Variants in SLC30A7 observed in about 807,000 individuals in gnomAD.
SLC30A7 encodes the protein zinc transporter 7.
Under a neutral mutation model 46.0 loss-of-function variants are expected in SLC30A7, and 35 were observed. That is an observed-to-expected ratio of 0.76 (90% confidence interval 0.58 to 1.01). The LOEUF (loss-of-function observed/expected upper bound fraction) is 1.01, where lower values mean the gene tolerates loss of function less well. Ranked by LOEUF, SLC30A7 falls within the 50% of genes least tolerant of loss-of-function variation. SLC30A7 has a pLI of 0.00. For missense variants in SLC30A7, 464 were observed against 451.1 expected, an observed-to-expected ratio of 1.03 and a Z score of -0.26; for synonymous variants, 147 against 157.8, an observed-to-expected ratio of 0.93 and a Z score of 0.51.
At chr1:100,970,925 G>A (rs183803183) in intron 10 of SLC30A7, among the ~76,000 whole-genome samples, 14 of 152,170 alleles carry the variant, frequency 9.2e-5, no homozygotes, top group Admixed American at 3.3e-4. Context: ...ACCATTATCA[G>A]TTCCACAAAA....
chr1:100,969,433 T>C (rs1380091864), intron 10 of SLC30A7, among the ~76,000 whole-genome samples: 1 of 152,186 alleles, frequency 6.6e-6, no homozygotes, highest in Non-Finnish European at 1.5e-5. Flanking sequence ...CCTAAGACTT[T>C]GGCATTTACT....
chr1:100,982,980 G>A (rs982235226), downstream of SLC30A7, among the ~76,000 whole-genome samples: 1 of 152,030 alleles, frequency 6.6e-6, no homozygotes, highest in African/African-American at 2.4e-5. Context: ...ATACTGCACC[G>A]GCCAATCTTA....
rs1398689421 is a variant in SLC30A7, at chr1:100,977,560, A to G, written c.*2703A>G. The G allele has an allele frequency of 2.0e-5, 3 of 152,200 alleles. No individual in the cohort carries two copies. The highest frequency in any genetic ancestry group is 6.5e-5 in the Admixed American group (1 of 15,274). 9.4% of individuals were successfully genotyped at this position (152,200 alleles called of 1,614,324 possible). Reference sequence around the variant, plus strand: ...ATTATTGTTATAAAATTAATTTACAATGTCCCTGATATTGAGCTAACTCTT... The same window carrying G: ...ATTATTGTTATAAAATTAATTTACAGTGTCCCTGATATTGAGCTAACTCTT... On this transcript the variant is annotated 3_prime_UTR_variant, in exon 11 of 11. Transcript: ENST00000357650.
At chr1:100,945,928 G>T (rs1654609978) in intron 8 of SLC30A7, among the ~76,000 whole-genome samples, 1 of 152,202 alleles carries the variant, frequency 6.6e-6, no homozygotes, top group Non-Finnish European at 1.5e-5. Flanking sequence ...AGCATGAAAT[G>T]TTCTTCTATT....
In SLC30A7 at chr1:100,906,862, A is replaced by G; in HGVS notation, c.193A>G (p.Ile65Val). ...YGIWSNCLGL[I>V]SDSFHMFFDS... ...TTTGTTCTTTTCCAGCTTAGGCTTG[A>G]TTTCCGACTCTTTTCACATGTTTTT... Residue 65 changes from isoleucine (I) to valine (V), a missense_variant, in exon 3 of 11, where the codon ATT (isoleucine) becomes GTT (valine). Coordinates refer to ENST00000357650, the MANE Select transcript of SLC30A7 (RefSeq NM_133496.5). 4.3e-6 allele frequency: 7 copies of G among 1,612,346 alleles called. No individual in the cohort carries two copies. Among genetic ancestry groups the G allele is most frequent in the Non-Finnish European group, 5.9e-6 (7 of 1,178,714 alleles).
downstream of SLC30A7, among the ~76,000 whole-genome samples, chr1:100,982,272 A>G (rs1656984421): frequency 6.6e-6 from 1 of 152,220 alleles, no homozygotes; most frequent in Non-Finnish European, 1.5e-5. Context: ...CTTTATCCTC[A>G]GCATGTCTGC....
At chr1:100,985,745 C>CA (rs1381586502), downstream of SLC30A7, among the ~76,000 whole-genome samples, 1 of 151,836 alleles carries the variant, frequency 6.6e-6, no homozygotes, top group African/African-American at 2.4e-5. Context: ...TCACTTCATA[C>CA]AAATATTGAG....
rs1652289938 is a variant in SLC30A7, at chr1:100,913,774, A to G, written c.623A>G (p.His208Arg). Residue 208 changes from histidine to arginine, a missense_variant, in exon 6 of 11, where the codon CAT becomes CGT. By Grantham distance (29) the His-to-Arg change is conservative. Coordinates refer to ENST00000357650, the MANE Select transcript of SLC30A7 (RefSeq NM_133496.5). ...VKHGAAHSHD[H>R]AHGHGHFHSH... is the part of the protein sequence containing the mutation. ...CATGGTGCTGCACATAGCCATGATC[A>G]TGCTCATGGACATGGACACTTTCAT... 1 of 1,613,912 alleles carries G rather than the reference A, an allele frequency of 6.2e-7. No homozygotes were observed. The highest frequency in any genetic ancestry group is 8.5e-7 in the Non-Finnish European group (1 of 1,179,796).
intron 8 of SLC30A7, among the ~76,000 whole-genome samples, chr1:100,935,264 C>T (rs949747337): frequency 2.6e-5 from 4 of 152,176 alleles, no homozygotes; most frequent in Admixed American, 6.5e-5. Context: ...AAATGACAAC[C>T]GTCTTTTGAC....
At chr1:100,906,706 C>A in intron 2 of SLC30A7, 146 bp from the exon 3 acceptor site, 1 of 567,392 alleles carries the variant, frequency 1.8e-6, no homozygotes. Context: ...TAAAACTTAT[C>A]CTCAAAGCTA....
chr1:100,902,096 T>C (rs1651343880), intron 2 of SLC30A7, among the ~76,000 whole-genome samples: 1 of 152,220 alleles, frequency 6.6e-6, no homozygotes, highest in Non-Finnish European at 1.5e-5. Context: ...AAAAGTAGAC[T>C]GTTTTTCCCA....
intron 10 of SLC30A7, among the ~76,000 whole-genome samples, chr1:100,970,609 A>AT (rs201385221): frequency 3.6e-4 from 52 of 146,278 alleles, no homozygotes; most frequent in Middle Eastern, 3.5e-3. Flanking sequence ...CCTTGCACTA[A>AT]TTTTTTTTTT....
chr1:100,957,996 T>C (rs2101079811), intron 8 of SLC30A7, among the ~76,000 whole-genome samples: 1 of 152,260 alleles, frequency 6.6e-6, no homozygotes, highest in South Asian at 2.1e-4. Flanking sequence ...AGCAACACAG[T>C]AGGTAGAAAC....
At chr1:100,987,522 G>A in the SLC30A7 span, among the ~76,000 whole-genome samples, 1 of 151,908 alleles carries the variant, frequency 6.6e-6, no homozygotes, top group African/African-American at 2.4e-5. Flanking sequence ...CACATTTTGG[G>A]TGAGAATATA....
intron 8 of SLC30A7, among the ~76,000 whole-genome samples, chr1:100,934,678 A>G (rs973990459): frequency 8.7e-5 from 13 of 149,918 alleles, no homozygotes; most frequent in African/African-American, 3.2e-4. Context: ...CTATATATAT[A>G]TATATTTATA....
intron 8 of SLC30A7, among the ~76,000 whole-genome samples, chr1:100,930,546 G>A (rs1403842126): frequency 6.6e-6 from 1 of 151,632 alleles, no homozygotes. Context: ...GAGTTGAATA[G>A]AATAAATTTG....
At chr1:100,905,486 C>T (rs1397752425) in intron 2 of SLC30A7, among the ~76,000 whole-genome samples, 1 of 151,934 alleles carries the variant, frequency 6.6e-6, no homozygotes, top group East Asian at 1.9e-4. Flanking sequence ...AATACTTTTC[C>T]TATCCCTTTC....
chr1:100,963,321 G>A (rs1655658787), intron 9 of SLC30A7, among the ~76,000 whole-genome samples: 1 of 152,140 alleles, frequency 6.6e-6, no homozygotes, highest in Non-Finnish European at 1.5e-5. Flanking sequence ...GAAGAGTGTA[G>A]GATCACAGAG....
chr1:100,995,697 T>G, the SLC30A7 span: 1 of 153,362 alleles, frequency 6.5e-6, no homozygotes, highest in Non-Finnish European at 1.5e-5. Context: ...CACAGGGACC[T>G]GACCAGATAT....
Sources: allele counts gnomAD v4.1 joint callset (sites outside exome capture counted in the v4.1 genomes callset), GRCh38; gene constraint gnomAD v4.1.1; transcripts MANE v1.5; gene names NCBI Gene and HGNC (gene_info 2026-07-23, HGNC 2026-07-21).